The following CDH20 variants were observed in gnomAD, a reference collection of about 807,000 sequenced individuals.
CDH20 encodes cadherin 20, also known as cadherin-20.
In CDH20, 29 loss-of-function variants were observed where a neutral mutation model predicts 74.2. That is an observed-to-expected ratio of 0.39 (90% CI 0.29 to 0.53). The LOEUF (loss-of-function observed/expected upper bound fraction) is 0.53, where lower values mean the gene tolerates loss of function less well. CDH20 is among the 20% of genes least tolerant of loss of function. The pLI, the probability that CDH20 is intolerant of heterozygous loss-of-function variation, is 0.69. For missense variants in CDH20, 988 were observed against 1,048.3 expected (o/e 0.94, Z 0.79); for synonymous variants, 469 against 405.4 (o/e 1.16, Z -1.88).
intron 1 of CDH20, among the ~76,000 whole-genome samples, chr18:61,337,537 A>T (rs1909798415): frequency 6.6e-6 from 1 of 152,210 alleles, no homozygotes; most frequent in Non-Finnish European, 1.5e-5. Flanking sequence ...TGCTACAGTG[A>T]TTAATCTTTC....
chr18:61,535,774 C>T (rs1416784036), intron 7 of CDH20, among the ~76,000 whole-genome samples: 1 of 152,188 alleles, frequency 6.6e-6, no homozygotes, highest in Non-Finnish European at 1.5e-5. Context: ...CGCAAAGATC[C>T]ATTTTTGTGA....
At chr18:61,380,732 C>A (rs1036447933) in intron 1 of CDH20, among the ~76,000 whole-genome samples, 1 of 152,128 alleles carries the variant, frequency 6.6e-6, no homozygotes, top group African/African-American at 2.4e-5. Context: ...TCGCTTGAAC[C>A]CAGGAGGCAG....
At chr18:61,538,061 C>T (rs946476539) in intron 8 of CDH20, among the ~76,000 whole-genome samples, 7 of 152,218 alleles carry the variant, frequency 4.6e-5, no homozygotes, top group Non-Finnish European at 1.0e-4. Flanking sequence ...AAAGACACAG[C>T]TCCCCATGAG....
At chr18:61,529,446 G>A (rs1289356231) in intron 7 of CDH20, among the ~76,000 whole-genome samples, 1 of 152,098 alleles carries the variant, frequency 6.6e-6, no homozygotes, top group Non-Finnish European at 1.5e-5. Context: ...ACATGTTCAG[G>A]CATTAAAATG....
At chr18:61,428,101 A>G (rs895049404) in intron 1 of CDH20, among the ~76,000 whole-genome samples, 1 of 152,224 alleles carries the variant, frequency 6.6e-6, no homozygotes, top group Non-Finnish European at 1.5e-5. Flanking sequence ...AAGCTAAAAA[A>G]GCAAAAAGAA....
At chr18:61,415,153 A>C (rs1912642183) in intron 1 of CDH20, among the ~76,000 whole-genome samples, 1 of 152,114 alleles carries the variant, frequency 6.6e-6, no homozygotes, top group Non-Finnish European at 1.5e-5. Flanking sequence ...CACTAGTACT[A>C]TCATTAACTG....
chr18:61,437,379 A>T (rs1908873526), intron 1 of CDH20, among the ~76,000 whole-genome samples: 1 of 152,112 alleles, frequency 6.6e-6, no homozygotes, highest in East Asian at 1.9e-4. Context: ...TGGCCCTTAC[A>T]ACTTCACTCT....
chr18:61,471,912 A>G (rs1251735014), intron 1 of CDH20, among the ~76,000 whole-genome samples: 1 of 152,234 alleles, frequency 6.6e-6, no homozygotes, highest in Non-Finnish European at 1.5e-5. Context: ...GTGATTTGTT[A>G]GCCTTCCCAT....
intron 1 of CDH20, among the ~76,000 whole-genome samples, chr18:61,427,439 G>C (rs904688220): frequency 1.3e-5 from 2 of 152,026 alleles, no homozygotes; most frequent in African/African-American, 4.8e-5. Context: ...TTGATAGCCT[G>C]GTTTCAGGGC....
intron 1 of CDH20, among the ~76,000 whole-genome samples, chr18:61,354,345 C>T (rs1218574880): frequency 2.0e-5 from 3 of 152,162 alleles, no homozygotes; most frequent in Admixed American, 1.3e-4. Flanking sequence ...TGGTGGCTCA[C>T]GCCTGTGGTC....
intron 1 of CDH20, among the ~76,000 whole-genome samples, chr18:61,372,909 A>C (rs1296524039): frequency 6.6e-6 from 1 of 152,120 alleles, no homozygotes; most frequent in Non-Finnish European, 1.5e-5. Flanking sequence ...GTCCATGATA[A>C]TCGTATGACA....
At chr18:61,487,937 G>A (rs985195259) in intron 1 of CDH20, among the ~76,000 whole-genome samples, 3 of 152,092 alleles carry the variant, frequency 2.0e-5, no homozygotes, top group Non-Finnish European at 2.9e-5. Flanking sequence ...TCTGCACATA[G>A]CACACATGCA....
chr18:61,457,660 A>G (rs1909619064), intron 1 of CDH20, among the ~76,000 whole-genome samples: 1 of 152,206 alleles, frequency 6.6e-6, no homozygotes, highest in South Asian at 2.1e-4. Context: ...AGGATCAAAT[A>G]TGATGGAAGG....
intron 1 of CDH20, among the ~76,000 whole-genome samples, chr18:61,382,836 A>G (rs994783837): frequency 1.3e-5 from 2 of 152,214 alleles, no homozygotes; most frequent in African/African-American, 4.8e-5. Flanking sequence ...ATGAACAGTA[A>G]TAAGGCAAAC....
intron 1 of CDH20, among the ~76,000 whole-genome samples, chr18:61,439,608 T>C (rs1908958578): frequency 6.6e-6 from 1 of 152,198 alleles, no homozygotes; most frequent in Non-Finnish European, 1.5e-5. Context: ...AATTCCATTT[T>C]CAATTCAGAC....
chr18:61,387,603 A>T (rs541891919), intron 1 of CDH20, among the ~76,000 whole-genome samples: 2 of 152,286 alleles, frequency 1.3e-5, no homozygotes, highest in East Asian at 3.9e-4. Flanking sequence ...GCCTTCATGA[A>T]ATACTTTCCA....
At chr18:61,440,573 C>T (rs1269106080) in intron 1 of CDH20, among the ~76,000 whole-genome samples, 1 of 152,158 alleles carries the variant, frequency 6.6e-6, no homozygotes, top group East Asian at 1.9e-4. Context: ...CTAAAATCAA[C>T]TTGACAGTTC....
At chr18:61,530,028 G>A (rs1410265335) in intron 7 of CDH20, among the ~76,000 whole-genome samples, 1 of 152,200 alleles carries the variant, frequency 6.6e-6, no homozygotes, top group Non-Finnish European at 1.5e-5. Flanking sequence ...ATCCTGAGAT[G>A]AAAATTGGTG....
At chr18:61,427,568 CT>C (rs1439820506) in intron 1 of CDH20, among the ~76,000 whole-genome samples, 3 of 152,136 alleles carry the variant, frequency 2.0e-5, no homozygotes, top group African/African-American at 7.2e-5. Flanking sequence ...ATTTCCTATC[CT>C]TCATAAAGCA....
Sources: allele counts gnomAD v4.1 joint callset (sites outside exome capture counted in the v4.1 genomes callset), GRCh38; gene constraint gnomAD v4.1.1; transcripts MANE v1.5; gene names NCBI Gene and HGNC (gene_info 2026-07-23, HGNC 2026-07-21).